The following PPM1L variants were observed in gnomAD, a reference collection of about 807,000 sequenced individuals.
The protein encoded by PPM1L is protein phosphatase, Mg2+/Mn2+ dependent 1L, also known as protein phosphatase 1L.
A neutral mutation model predicts 31.4 loss-of-function variants in PPM1L; 13 were observed. That is an observed-to-expected ratio of 0.41 (90% CI 0.27 to 0.66). The LOEUF (loss-of-function observed/expected upper bound fraction) is 0.66. Ranked by LOEUF, PPM1L falls within the 30% of genes least tolerant of loss-of-function variation. The pLI, the probability that PPM1L is intolerant of heterozygous loss-of-function variation, is 0.29. For synonymous variants in PPM1L, 184 were observed against 175.4 expected, an observed-to-expected ratio of 1.05 and a Z score of -0.39; for missense variants, 326 against 453.7, an observed-to-expected ratio of 0.72 and a Z score of 2.56.
chr3:160,871,865 T>C (rs1415969917), intron 1 of PPM1L, among the ~76,000 whole-genome samples: 1 of 152,216 alleles, frequency 6.6e-6, no homozygotes, highest in Admixed American at 6.5e-5. Flanking sequence ...ATGGTTCACA[T>C]TGTAATTCAA....
At chr3:160,785,838 T>G (rs1479866999) in intron 1 of PPM1L, among the ~76,000 whole-genome samples, 1 of 151,850 alleles carries the variant, frequency 6.6e-6, no homozygotes, top group Non-Finnish European at 1.5e-5. Context: ...CACTGTTTTT[T>G]TTTTTTTTTT....
intron 1 of PPM1L, among the ~76,000 whole-genome samples, chr3:160,785,645 A>T (rs1003476699): frequency 5.3e-5 from 8 of 152,084 alleles, no homozygotes; most frequent in Non-Finnish European, 1.0e-4. Context: ...TGCACTGTGG[A>T]CTTCTTCACT....
At chr3:160,968,095 A>C (rs562159097) in intron 2 of PPM1L, among the ~76,000 whole-genome samples, 13 of 148,006 alleles carry the variant, frequency 8.8e-5, no homozygotes, top group African/African-American at 3.5e-4. Context: ...CTGCTCATGA[A>C]TATTCCCAGG....
chr3:160,988,064 T>A (rs1407629092), intron 2 of PPM1L, among the ~76,000 whole-genome samples: 1 of 152,060 alleles, frequency 6.6e-6, no homozygotes, highest in Non-Finnish European at 1.5e-5. Flanking sequence ...GTAGACACTG[T>A]CAAGAGTGGC....
At chr3:160,944,571 T>C (rs1426250102) in intron 1 of PPM1L, among the ~76,000 whole-genome samples, 2 of 148,144 alleles carry the variant, frequency 1.4e-5, no homozygotes, top group Non-Finnish European at 3.0e-5. Context: ...ATATCTGGAG[T>C]GTTAGAATTT....
At chr3:160,937,699 T>C (rs947189290) in intron 1 of PPM1L, among the ~76,000 whole-genome samples, 2 of 152,208 alleles carry the variant, frequency 1.3e-5, no homozygotes, top group African/African-American at 2.4e-5. Context: ...AAATGGCTAT[T>C]GTCTGCTTAA....
chr3:160,793,415 G>A (rs1712157465), intron 1 of PPM1L, among the ~76,000 whole-genome samples: 1 of 152,112 alleles, frequency 6.6e-6, no homozygotes, highest in Non-Finnish European at 1.5e-5. Flanking sequence ...TTTGATAATT[G>A]AAGTGCTGCA....
chr3:160,978,798 C>G (rs1383195119), intron 2 of PPM1L, among the ~76,000 whole-genome samples: 1 of 151,850 alleles, frequency 6.6e-6, no homozygotes, highest in Non-Finnish European at 1.5e-5. Flanking sequence ...CTACTGTACT[C>G]CAGCCTGGGT....
chr3:160,988,120 G>C (rs1035049822), intron 2 of PPM1L, among the ~76,000 whole-genome samples: 2 of 152,212 alleles, frequency 1.3e-5, no homozygotes, highest in African/African-American at 2.4e-5. Context: ...CTGGGCAAGA[G>C]AGGAGGAATA....
At chr3:161,056,329 A>G (rs1022000275) in intron 2 of PPM1L, among the ~76,000 whole-genome samples, 3 of 152,088 alleles carry the variant, frequency 2.0e-5, no homozygotes, top group Non-Finnish European at 2.9e-5. Context: ...CATTGTCACC[A>G]CTATTCCTCT....
chr3:161,006,334 G>T (rs1001892904), intron 2 of PPM1L, among the ~76,000 whole-genome samples: 1 of 152,170 alleles, frequency 6.6e-6, no homozygotes, highest in African/African-American at 2.4e-5. Context: ...TTAAATGATG[G>T]GTGCCAGAGG....
At chr3:160,757,264 A>G (rs974642803) in intron 1 of PPM1L, among the ~76,000 whole-genome samples, 19 of 152,194 alleles carry the variant, frequency 1.2e-4, no homozygotes. Flanking sequence ...TTCCAACTCT[A>G]TCAACTTTAC....
At chr3:161,009,454 A>C (rs1717818207) in intron 2 of PPM1L, among the ~76,000 whole-genome samples, 1 of 152,244 alleles carries the variant, frequency 6.6e-6, no homozygotes, top group Non-Finnish European at 1.5e-5. Context: ...ATAGGATGCA[A>C]ATCAACTGTC....
chr3:161,003,701 A>G (rs906861071), intron 2 of PPM1L, among the ~76,000 whole-genome samples: 2 of 152,128 alleles, frequency 1.3e-5, no homozygotes, highest in African/African-American at 2.4e-5. Flanking sequence ...TATCCTGAGA[A>G]TTTGCTGAAG....
chr3:160,775,111 T>C (rs112170555), intron 1 of PPM1L, among the ~76,000 whole-genome samples: 2,553 of 152,306 alleles, frequency 0.017, 69 homozygotes, highest in African/African-American at 0.058. Flanking sequence ...ATCCTAATGG[T>C]GTTTGAGGCA....
At chr3:160,815,619 G>C (rs946353003) in intron 1 of PPM1L, among the ~76,000 whole-genome samples, 4 of 151,982 alleles carry the variant, frequency 2.6e-5, no homozygotes, top group Non-Finnish European at 4.4e-5. Flanking sequence ...TGTCTATAAT[G>C]GTGCTTAATA....
intron 1 of PPM1L, among the ~76,000 whole-genome samples, chr3:160,823,053 A>G (rs894855253): frequency 2.6e-5 from 4 of 152,110 alleles, no homozygotes; most frequent in African/African-American, 9.7e-5. Flanking sequence ...AGATAGAACT[A>G]TCTTCTGTTA....
chr3:160,830,208 A>G (rs1236049391), intron 1 of PPM1L, among the ~76,000 whole-genome samples: 4 of 152,162 alleles, frequency 2.6e-5, no homozygotes, highest in African/African-American at 4.8e-5. Context: ...TGTAGCTACT[A>G]TTATGGAATG....
chr3:161,072,615 G>A lies in PPM1L; in HGVS notation c.*3458G>A, dbSNP rs1451759241. 2.0e-5 allele frequency: 3 copies of A among 152,126 alleles called. No homozygotes were observed. Among genetic ancestry groups the A allele is most frequent in the African/African-American group, 7.2e-5 (3 of 41,428 alleles). The allele number at this position is 152,126 out of a possible 1,614,324, so 9.4% of individuals were successfully genotyped here. ...AATTGAGTCCACTGTTTTCCTTTGC[G>A]TTTAATTTCCTTTGTGTTTAATTTG... On this transcript the variant is annotated 3_prime_UTR_variant, in exon 4 of 4. Transcript: ENST00000498165.
Sources: gnomAD v4.1 joint callset for allele counts (sites outside exome capture counted in the v4.1 genomes callset) on GRCh38, gnomAD v4.1.1 for gene constraint, MANE v1.5 for transcripts, NCBI Gene and HGNC (gene_info 2026-07-23, HGNC 2026-07-21) for gene names.